The following TLCD4 variants were observed in gnomAD, a reference collection of about 807,000 sequenced individuals.
TLCD4 encodes TLC domain-containing protein 4.
TLCD4 carries 7 observed loss-of-function variants against 24.2 expected under a neutral mutation model. That is an observed-to-expected ratio of 0.29 (90% CI 0.16 to 0.54). The LOEUF is 0.54. Ranked by LOEUF, TLCD4 falls within the 20% of genes least tolerant of loss-of-function variation. The probability of loss-of-function intolerance (pLI) is 0.95; values close to 1 mark genes in which losing one functional copy is unlikely to be tolerated. For synonymous variants in TLCD4, 103 were observed against 106.4 expected (o/e 0.97, Z 0.20); for missense variants, 259 against 313.9 (o/e 0.82, Z 1.32).
the TLCD4 span, among the ~76,000 whole-genome samples, chr1:95,103,272 C>T: frequency 3.8e-4 from 58 of 152,262 alleles, no homozygotes; most frequent in Non-Finnish European, 7.2e-4. Context: ...AGCCACTGAA[C>T]CTGGCCAGAA....
chr1:95,153,430 C>T (rs1229389629), intron 5 of TLCD4, among the ~76,000 whole-genome samples: 1 of 152,156 alleles, frequency 6.6e-6, no homozygotes, highest in African/African-American at 2.4e-5. Context: ...TTCATCCTAA[C>T]TATAAACTGA....
intron 5 of TLCD4, among the ~76,000 whole-genome samples, chr1:95,168,357 C>T (rs1391655493): frequency 6.6e-6 from 1 of 152,110 alleles, no homozygotes; most frequent in South Asian, 2.1e-4. Context: ...TCCCACATTC[C>T]CCTGCCTCTT....
At chr1:95,151,017 A>C (rs1265076438) in intron 4 of TLCD4, among the ~76,000 whole-genome samples, 1 of 152,208 alleles carries the variant, frequency 6.6e-6, no homozygotes, top group Non-Finnish European at 1.5e-5. Flanking sequence ...GTGATTAAAA[A>C]TAATGGCAAA....
rs539543293 is a variant in TLCD4, at chr1:95,165,607, C to T, written c.400-8209C>T. ...CAGCCTCCCAAGTAGTTGGGATTAC[C>T]GGCACCTGCCACCATGCCCGGCTAA... is the stretch of plus-strand genomic sequence containing the variant. On this transcript the variant is annotated intron_variant, in intron 5 of 6. Transcript: ENST00000370203. Among the ~76,000 whole-genome samples, 22 of 151,886 alleles carry T rather than the reference C, an allele frequency of 1.4e-4. 1 individual carries two copies. Among genetic ancestry groups the T allele is most frequent in the Admixed American group, 2.6e-4 (4 of 15,232 alleles).
intron 5 of TLCD4, among the ~76,000 whole-genome samples, chr1:95,166,722 A>T (rs1678027572): frequency 6.6e-6 from 1 of 151,936 alleles, no homozygotes; most frequent in African/African-American, 2.4e-5. Flanking sequence ...TAATAAGAAA[A>T]TTTACCTTGT....
chr1:95,131,466 G>A (rs966057531), intron 1 of TLCD4, among the ~76,000 whole-genome samples: 5 of 152,178 alleles, frequency 3.3e-5, no homozygotes, highest in Admixed American at 6.5e-5. Flanking sequence ...TGGAGTCCTC[G>A]TAAGAGCATT....
the TLCD4 span, among the ~76,000 whole-genome samples, chr1:95,098,789 G>T: frequency 6.6e-6 from 1 of 152,174 alleles, no homozygotes; most frequent in Admixed American, 6.5e-5. Context: ...GATAGGCTGG[G>T]TGCGGTGGCT....
chr1:95,194,682 A>T lies in TLCD4; in HGVS notation c.*2814A>T, dbSNP rs1016867290. On this transcript the variant is annotated 3_prime_UTR_variant, in exon 7 of 7. Transcript: ENST00000370203. ...TTGAATGTGTAGTATCCTAGAAAAT[A>T]AAAGTTCTTGTGAAACTTAAAAAAT... 6.6e-6 allele frequency: 1 copy of T among 152,150 alleles called. No individual in the cohort carries two copies. 9.4% of individuals were successfully genotyped at this position (152,150 alleles called of 1,614,324 possible).
At chr1:95,096,776 G>T in the TLCD4 span, among the ~76,000 whole-genome samples, 1 of 152,168 alleles carries the variant, frequency 6.6e-6, no homozygotes, top group South Asian at 2.1e-4. Flanking sequence ...TTTTGATATA[G>T]CAGTGCAACT....
rs1679203945 is a variant in TLCD4, at chr1:95,196,288, G to A, written c.*4420G>A. The A allele has an allele frequency of 6.6e-6, 1 of 152,174 alleles. No individual in the cohort carries two copies. The highest frequency in any genetic ancestry group is 1.5e-5 in the Non-Finnish European group (1 of 68,036). 9.4% of individuals were successfully genotyped at this position (152,174 alleles called of 1,614,324 possible). A position where few individuals can be genotyped will look rare whatever the true frequency, so the allele number is the denominator to read the frequency against. ...TTAGACCCCATGACAGGAGCACAGA[G>A]GAACTGAGATAACTCTGTGTTATGA... On this transcript the variant is annotated 3_prime_UTR_variant, in exon 7 of 7. Transcript: ENST00000370203.
chr1:95,178,378 G>A (rs1341792052), intron 6 of TLCD4, among the ~76,000 whole-genome samples: 2 of 152,106 alleles, frequency 1.3e-5, no homozygotes, highest in Non-Finnish European at 2.9e-5. Flanking sequence ...TCCTGCCTCA[G>A]CCTCCTGAGT....
chr1:95,137,160 A>T (rs1677066472), intron 1 of TLCD4, among the ~76,000 whole-genome samples: 1 of 152,176 alleles, frequency 6.6e-6, no homozygotes, highest in South Asian at 2.1e-4. Flanking sequence ...TTTATGCCTG[A>T]TCGCCTTCAT....
intron 5 of TLCD4, 143 bp from the exon 6 acceptor site, chr1:95,173,673 A>T: frequency 1.0e-6 from 1 of 1,004,500 alleles, no homozygotes; most frequent in Non-Finnish European, 1.4e-6. Context: ...AAATCAGTTT[A>T]ACAGTAAAAG....
chr1:95,155,153 C>T (rs1217308027), intron 5 of TLCD4, among the ~76,000 whole-genome samples: 1 of 151,950 alleles, frequency 6.6e-6, no homozygotes, highest in African/African-American at 2.4e-5. Flanking sequence ...CTTTTCCCCC[C>T]CACCTTATAA....
chr1:95,119,994 G>A (rs1272777245), intron 1 of TLCD4, among the ~76,000 whole-genome samples: 3 of 152,148 alleles, frequency 2.0e-5, no homozygotes, highest in African/African-American at 2.4e-5. Context: ...GAGAATTATG[G>A]GCATTTGGAC....
chr1:95,121,950 G>T (rs1676582889), intron 1 of TLCD4, among the ~76,000 whole-genome samples: 1 of 152,220 alleles, frequency 6.6e-6, no homozygotes, highest in Non-Finnish European at 1.5e-5. Context: ...TTGCCCTGGA[G>T]TTAATCAAGG....
chr1:95,109,051 C>T, the TLCD4 span, among the ~76,000 whole-genome samples: 397 of 152,172 alleles, frequency 2.6e-3, 1 homozygote, highest in African/African-American at 9.2e-3. Flanking sequence ...ATTAGGGGCA[C>T]GTGCAGTGGC....
At chr1:95,104,125 AAAG>A in the TLCD4 span, among the ~76,000 whole-genome samples, 12 of 152,198 alleles carry the variant, frequency 7.9e-5, no homozygotes, top group African/African-American at 2.7e-4. Flanking sequence ...TGCTTAGGAT[AAAG>A]AAGGAGGAGA....
intron 6 of TLCD4, among the ~76,000 whole-genome samples, chr1:95,178,501 G>A (rs1283858639): frequency 6.8e-6 from 1 of 147,498 alleles, no homozygotes; most frequent in Non-Finnish European, 1.5e-5. Flanking sequence ...GACCTCAGGT[G>A]ATCCACCCAC....
Sources: gnomAD v4.1 joint callset for allele counts (sites outside exome capture counted in the v4.1 genomes callset) on GRCh38, gnomAD v4.1.1 for gene constraint, MANE v1.5 for transcripts, NCBI Gene and HGNC (gene_info 2026-07-23, HGNC 2026-07-21) for gene names.